The following DOCK7 variants were observed in gnomAD, a reference collection of about 807,000 sequenced individuals.
DOCK7 encodes the protein dedicator of cytokinesis 7, also known as dedicator of cytokinesis protein 7.
Under a neutral mutation model 271.0 loss-of-function variants are expected in DOCK7, and 138 were observed. That is an observed-to-expected ratio of 0.51 (90% CI 0.44 to 0.59). DOCK7 has a LOEUF of 0.59. DOCK7 is among the 20% of genes least tolerant of loss of function. The pLI, the probability that DOCK7 is intolerant of heterozygous loss-of-function variation, is 0.00. For synonymous variants in DOCK7, 823 were observed against 876.1 expected (o/e 0.94, Z 1.07); for missense variants, 2,066 against 2,592.4 (o/e 0.80, Z 4.41).
At chr1:62,483,214 G>GTTTTTTTTTTTTTT (rs1477266538) in intron 43 of DOCK7, 5 of 48,528 alleles carry the variant, frequency 1.0e-4, no homozygotes, top group East Asian at 7.5e-4. Context: ...TTTTTTTTGG[G>GTTTTTTTTTTTTTT]TAGAGATGAG....
At chr1:62,660,830 T>C (rs1658574138) in intron 2 of DOCK7, among the ~76,000 whole-genome samples, 1 of 151,226 alleles carries the variant, frequency 6.6e-6, no homozygotes, top group African/African-American at 2.5e-5. Context: ...CAGCCACGCA[T>C]GGTGGCTCAC....
chr1:62,611,154 T>A (rs1398480143), intron 14 of DOCK7, among the ~76,000 whole-genome samples: 1 of 152,224 alleles, frequency 6.6e-6, no homozygotes, highest in Non-Finnish European at 1.5e-5. Context: ...AATAGTTTTT[T>A]AACCTGAGGC....
intron 13 of DOCK7, 51 bp downstream of exon 13, chr1:62,619,849 T>C (rs377760882): frequency 3.6e-5 from 42 of 1,175,766 alleles, no homozygotes; most frequent in Non-Finnish European, 5.0e-5. Flanking sequence ...CAATACAACA[T>C]AGTAGTGATA....
intron 14 of DOCK7, chr1:62,598,575 G>C (rs1649634772): frequency 1.5e-6 from 1 of 673,362 alleles, no homozygotes; most frequent in Non-Finnish European, 2.7e-6. Context: ...GGAAGGAATT[G>C]CCAATATTCA....
chr1:62,590,472 T>C (rs1299498541), intron 14 of DOCK7, among the ~76,000 whole-genome samples: 2 of 152,174 alleles, frequency 1.3e-5, no homozygotes, highest in Non-Finnish European at 2.9e-5. Context: ...TGTCTATAAT[T>C]CCTCATTGCA....
At chr1:62,511,157 C>T (rs1347125325) in intron 33 of DOCK7, 29 of 152,896 alleles carry the variant, frequency 1.9e-4, no homozygotes, top group Admixed American at 1.9e-3. Context: ...TCCCACTCTC[C>T]AATACCTCCT....
chr1:62,598,023 C>T, intron 14 of DOCK7: 2 of 1,577,510 alleles, frequency 1.3e-6, no homozygotes, highest in Non-Finnish European at 1.7e-6. Flanking sequence ...TCAAAATCAA[C>T]CTGAAACTCC....
chr1:62,552,007 A>C (rs1281096632), intron 22 of DOCK7, among the ~76,000 whole-genome samples: 2 of 152,036 alleles, frequency 1.3e-5, no homozygotes, highest in Non-Finnish European at 2.9e-5. Flanking sequence ...AAGAACCTTA[A>C]GGAAATGCTG....
chr1:62,685,188 A>AC (rs1344536631), intron 1 of DOCK7, among the ~76,000 whole-genome samples: 1 of 152,140 alleles, frequency 6.6e-6, no homozygotes, highest in Non-Finnish European at 1.5e-5. Context: ...CAACAACCCT[A>AC]CGAGGTTAAG....
At chr1:62,511,591 CAT>C (rs1644485585) in intron 33 of DOCK7, among the ~76,000 whole-genome samples, 1 of 152,020 alleles carries the variant, frequency 6.6e-6, no homozygotes, top group African/African-American at 2.4e-5. Context: ...TACAACTATA[CAT>C]ATGTCAATTA....
intron 31 of DOCK7, among the ~76,000 whole-genome samples, chr1:62,524,236 T>C (rs377633374): frequency 7.6e-4 from 115 of 152,284 alleles, no homozygotes; most frequent in African/African-American, 2.6e-3. Flanking sequence ...TTGATGAACA[T>C]GTGAAGGAAT....
chr1:62,506,949 AAAATAAATAAAT>A (rs375137004), intron 35 of DOCK7, among the ~76,000 whole-genome samples: 2 of 138,574 alleles, frequency 1.4e-5, no homozygotes, highest in African/African-American at 2.6e-5. Context: ...CTCCACCTCA[AAAATAAATAAAT>A]AAATAAATAA....
chr1:62,638,033 T>G (rs1474961501), intron 7 of DOCK7, among the ~76,000 whole-genome samples: 1 of 152,208 alleles, frequency 6.6e-6, no homozygotes, highest in Admixed American at 6.5e-5. Flanking sequence ...ATCATTTTGA[T>G]ACTGTCGGTC....
intron 37 of DOCK7, among the ~76,000 whole-genome samples, chr1:62,503,775 C>T (rs190955784): frequency 8.6e-5 from 13 of 152,010 alleles, no homozygotes; most frequent in Middle Eastern, 3.4e-3. Flanking sequence ...CAGCCAGGCG[C>T]GGTGGCTCAC....
At chr1:62,671,883 T>C (rs898436865) in intron 1 of DOCK7, among the ~76,000 whole-genome samples, 20 of 151,910 alleles carry the variant, frequency 1.3e-4, no homozygotes, top group African/African-American at 4.6e-4. Context: ...TGCAAAGGGC[T>C]GGTTACAGAA....
chr1:62,530,116 T>C (rs1055106191), intron 29 of DOCK7, among the ~76,000 whole-genome samples: 1 of 152,210 alleles, frequency 6.6e-6, no homozygotes, highest in Admixed American at 6.5e-5. Flanking sequence ...TTAAAATTCA[T>C]CTACTCCAAC....
chr1:62,492,799 C>A lies in DOCK7; in HGVS notation c.5266G>T (p.Val1756Leu), dbSNP rs749567549. The A allele has an allele frequency of 6.2e-7, 1 of 1,613,776 alleles. No homozygotes were observed. Among genetic ancestry groups the A allele is most frequent in the Non-Finnish European group, 8.5e-7 (1 of 1,179,760 alleles). Residue 1756 changes from valine to leucine, a missense_variant, in exon 41 of 50, where the codon GTA becomes TTA. Physicochemically the swap from Val to Leu is conservative, Grantham distance 32 (BLOSUM62 1). Transcript: ENST00000635253. ...CAGATACCTTCTTCATCTGGAGATACCACATCATCTGAGACCGCAGATTCT... is the reference window on the plus strand; with the variant it reads ...CAGATACCTTCTTCATCTGGAGATAACACATCATCTGAGACCGCAGATTCT... ...LEESAVSDDV[V>L]SPDEEGICSG... is the part of the protein sequence containing the mutation.
chr1:62,505,907 C>T (rs1646923324), intron 35 of DOCK7, 91 bp from the exon 36 acceptor site: 8 of 1,218,808 alleles, frequency 6.6e-6, no homozygotes, highest in Non-Finnish European at 8.9e-6. Flanking sequence ...ATAAAGGCCT[C>T]CCTGTATGTA....
intron 20 of DOCK7, 58 bp downstream of exon 20, chr1:62,558,925 TAACAAA>T: frequency 3.8e-6 from 5 of 1,332,476 alleles, no homozygotes; most frequent in African/African-American, 1.5e-5. Context: ...TTTTTTTTTT[TAACAAA>T]ATTTAGAAAT....
Sources: allele counts gnomAD v4.1 joint callset (sites outside exome capture counted in the v4.1 genomes callset), GRCh38; gene constraint gnomAD v4.1.1; transcripts MANE v1.5; gene names NCBI Gene and HGNC (gene_info 2026-07-23, HGNC 2026-07-21).